INPP4A: variants seen among roughly 807,000 people sequenced by gnomAD.
INPP4A encodes the protein inositol polyphosphate-4-phosphatase type I A.
Under a neutral mutation model 119.8 loss-of-function variants are expected in INPP4A, and 33 were observed. That is an observed-to-expected ratio of 0.28 (90% confidence interval 0.21 to 0.37). The LOEUF (loss-of-function observed/expected upper bound fraction) is 0.37. Ranked by LOEUF, INPP4A falls within the 10% of genes least tolerant of loss-of-function variation. The probability of loss-of-function intolerance (pLI) is 1.00; values close to 1 mark genes in which losing one functional copy is unlikely to be tolerated. For missense variants in INPP4A, 956 were observed against 1,289.9 expected (o/e 0.74, Z 3.97); for synonymous variants, 496 against 500.7 (o/e 0.99, Z 0.12).
chr2:98,508,238 C>T (rs1684459346), intron 1 of INPP4A, among the ~76,000 whole-genome samples: 1 of 152,182 alleles, frequency 6.6e-6, no homozygotes, highest in South Asian at 2.1e-4. Flanking sequence ...GGCACCAGGC[C>T]AGGCCTGACA....
At chr2:98,545,909 C>G (rs990307503) in intron 11 of INPP4A, 60 bp from the exon 12 acceptor site, 1 of 1,211,880 alleles carries the variant, frequency 8.3e-7, no homozygotes, top group East Asian at 2.6e-5. Flanking sequence ...TTTCTACTTG[C>G]AACTCGTGAA....
At chr2:98,523,795 A>G (rs956896319) in intron 4 of INPP4A, among the ~76,000 whole-genome samples, 3 of 152,236 alleles carry the variant, frequency 2.0e-5, no homozygotes, top group Admixed American at 1.3e-4. Context: ...AAGTATGTTC[A>G]TTGTAAAACC....
intron 1 of INPP4A, among the ~76,000 whole-genome samples, chr2:98,474,939 T>C (rs1676893870): frequency 2.0e-5 from 3 of 152,252 alleles, no homozygotes; most frequent in South Asian, 2.1e-4. Flanking sequence ...AAAGATGACT[T>C]AGGCCCTTCT....
In INPP4A at chr2:98,577,149, T is replaced by A. The variant is rs769887296; in HGVS notation, c.2786+6T>A. On this transcript the variant is annotated splice_donor_region_variant and intron_variant, in intron 24 of 24. Coordinates refer to ENST00000409851, the MANE Select transcript of INPP4A (RefSeq NM_001134225.2). ...GCCCTGGAGTGCATGCGCAGGTGAG[T>A]GCCGCAGCCAGGCCGCGCGCCCCGC... 2 of 1,598,804 alleles carry A rather than the reference T, an allele frequency of 1.3e-6. No individual in the cohort carries two copies. Among genetic ancestry groups the A allele is most frequent in the African/African-American group, 2.7e-5 (2 of 74,576 alleles).
At chr2:98,552,136 G>T (rs201008738) in intron 13 of INPP4A, among the ~76,000 whole-genome samples, 1 of 152,122 alleles carries the variant, frequency 6.6e-6, no homozygotes, top group Non-Finnish European at 1.5e-5. Context: ...CCTGTGGCTT[G>T]GCATGTTCTC....
In INPP4A at chr2:98,544,014, G is replaced by A. The variant is rs1369806751; in HGVS notation, c.949+7G>A. 1 of 1,553,442 alleles carries A rather than the reference G, an allele frequency of 6.4e-7. No homozygotes were observed. Among genetic ancestry groups the A allele is most frequent in the South Asian group, 1.2e-5 (1 of 84,276 alleles). ...GACCTCCATCAGTACAGAGGTGGGT[G>A]CACCCCCATGCTGTCACCACACACG... On this transcript the variant is annotated splice_region_variant and intron_variant, in intron 11 of 24. Transcript: ENST00000409851.
intron 1 of INPP4A, among the ~76,000 whole-genome samples, chr2:98,491,430 T>A (rs1558936954): frequency 6.6e-6 from 1 of 152,148 alleles, no homozygotes; most frequent in Admixed American, 6.5e-5. Context: ...TTACTCATGC[T>A]CTCGTCTGGA....
At chr2:98,571,528 C>A (rs903743589) in intron 22 of INPP4A, among the ~76,000 whole-genome samples, 11 of 152,224 alleles carry the variant, frequency 7.2e-5, no homozygotes, top group Non-Finnish European at 1.6e-4. Context: ...GGAGCTGTTA[C>A]AATGGGCAGT....
chr2:98,523,505 C>T (rs758268402), intron 4 of INPP4A, among the ~76,000 whole-genome samples: 4 of 151,974 alleles, frequency 2.6e-5, no homozygotes, highest in Non-Finnish European at 4.4e-5. Flanking sequence ...TGTCATTCTC[C>T]TGCCTCAGCC....
Position 98,592,343 on chromosome 2 carries a change from C to CA in INPP4A, c.*4737dup, listed in dbSNP as rs2106582405. ...GCAGTGATGACAGAACCAAGGGGGT[C>CA]AAGGAAGATTGGAGAGGAGTGGGCA... On this transcript the variant is annotated 3_prime_UTR_variant, in exon 25 of 25. Coordinates refer to ENST00000409851, the MANE Select transcript of INPP4A (RefSeq NM_001134225.2). 1 of 152,456 alleles carries CA rather than the reference C, an allele frequency of 6.6e-6. No individual in the cohort carries two copies. Among genetic ancestry groups the CA allele is most frequent in the Non-Finnish European group, 1.5e-5 (1 of 68,212 alleles). The allele number at this position is 152,456 out of a possible 1,614,324, so 9.4% of individuals were successfully genotyped here.
chr2:98,485,273 C>T (rs745884780), intron 1 of INPP4A, among the ~76,000 whole-genome samples: 4 of 152,162 alleles, frequency 2.6e-5, no homozygotes, highest in Non-Finnish European at 5.9e-5. Context: ...TATAATCATG[C>T]GGTCTGGTTG....
At chr2:98,496,409 C>T (rs1458805461) in intron 1 of INPP4A, among the ~76,000 whole-genome samples, 1 of 152,138 alleles carries the variant, frequency 6.6e-6, no homozygotes, top group African/African-American at 2.4e-5. Flanking sequence ...TGAGAACTGA[C>T]ACTATGAAAC....
intron 22 of INPP4A, 82 bp from the exon 23 acceptor site, chr2:98,572,733 G>T: frequency 1.2e-6 from 1 of 863,770 alleles, no homozygotes; most frequent in Non-Finnish European, 1.8e-6. Flanking sequence ...GTGTGCCCCA[G>T]CAGCTCACTT....
chr2:98,564,097 A>G (rs1696001155), intron 18 of INPP4A, among the ~76,000 whole-genome samples: 1 of 152,196 alleles, frequency 6.6e-6, no homozygotes, highest in African/African-American at 2.4e-5. Context: ...AATGAATGTA[A>G]CAAGTTTAAT....
At position 98,555,862 on chromosome 2, in the gene INPP4A, T is replaced by C. The variant is rs1036450528; in HGVS notation, c.1822+54T>C. 7.3e-6 allele frequency: 11 copies of C among 1,506,578 alleles called. No individual in the cohort carries two copies. The African/African-American group carries it at 1.4e-4, about 19-fold the overall frequency. The allele number at this position is 1,506,578 out of a possible 1,614,324, so 93.3% of individuals were successfully genotyped here. On this transcript the variant is annotated intron_variant, in intron 16 of 24. Transcript: ENST00000409851. ...CTGCCTCCATTTCACCTTGTGCTGCTTCCATTTGTCTGTGTCTCTGACTCC... is the reference window on the plus strand; with the variant it reads ...CTGCCTCCATTTCACCTTGTGCTGCCTCCATTTGTCTGTGTCTCTGACTCC...
chr2:98,543,726 C>T lies in INPP4A; in HGVS notation c.819-151C>T, dbSNP rs561245642. On this transcript the variant is annotated intron_variant, in intron 10 of 24. Coordinates refer to ENST00000409851, the MANE Select transcript of INPP4A (RefSeq NM_001134225.2). ...CTGTCCTCTCCTCCAACCCAGTTGC[C>T]CTTTAGACAGGCAGTGTAACCATTG... 4.3e-6 allele frequency: 4 copies of T among 927,254 alleles called. No homozygotes were observed. In the African/African-American group the frequency reaches 5.0e-5, roughly 12 times the overall value. 57.4% of individuals were successfully genotyped at this position (927,254 alleles called of 1,614,324 possible).
chr2:98,448,046 CAAAAAAAAAAA>C (rs35998148), intron 1 of INPP4A, among the ~76,000 whole-genome samples: 2 of 64,202 alleles, frequency 3.1e-5, no homozygotes, highest in East Asian at 4.0e-4. Flanking sequence ...GACTCTGTCT[CAAAAAAAAAAA>C]AAAAAAAAAA....
intron 1 of INPP4A, among the ~76,000 whole-genome samples, chr2:98,470,487 G>A (rs1275180244): frequency 6.6e-6 from 1 of 152,196 alleles, no homozygotes; most frequent in Non-Finnish European, 1.5e-5. Flanking sequence ...CCTGCAAGGA[G>A]GCCTGGTGGG....
chr2:98,545,401 G>A (rs562407891), intron 11 of INPP4A, among the ~76,000 whole-genome samples: 47 of 152,272 alleles, frequency 3.1e-4, no homozygotes, highest in African/African-American at 1.1e-3. Flanking sequence ...CGTAAACAGG[G>A]AAACATTGTA....
Sources: allele counts gnomAD v4.1 joint callset (sites outside exome capture counted in the v4.1 genomes callset), GRCh38; gene constraint gnomAD v4.1.1; transcripts MANE v1.5; gene names NCBI Gene and HGNC (gene_info 2026-07-23, HGNC 2026-07-21).